The following SIMC1 variants were observed in gnomAD, a reference collection of about 807,000 sequenced individuals.
SIMC1 encodes SUMO interacting motifs containing 1, also known as SUMO-interacting motif-containing protein 1.
Under a neutral mutation model 82.3 loss-of-function variants are expected in SIMC1, and 55 were observed. The ratio of observed to expected loss-of-function variants is 0.67; its 90% confidence interval spans 0.54 to 0.84. The LOEUF (loss-of-function observed/expected upper bound fraction) is 0.84, where lower values mean the gene tolerates loss of function less well. Among genes scored for constraint, SIMC1 ranks in the 40% least tolerant of loss-of-function variants. The pLI, the probability that SIMC1 is intolerant of heterozygous loss-of-function variation, is 0.00. For synonymous variants in SIMC1, 353 were observed against 426.3 expected, an observed-to-expected ratio of 0.83 and a Z score of 2.12; for missense variants, 915 against 1,107.2, an observed-to-expected ratio of 0.83 and a Z score of 2.46.
At chr5:176,332,808 A>G (rs1029035926) in intron 7 of SIMC1, among the ~76,000 whole-genome samples, 1 of 152,178 alleles carries the variant, frequency 6.6e-6, no homozygotes, top group Non-Finnish European at 1.5e-5. Context: ...ATGGTAATAT[A>G]TTACAAAACT....
intron 4 of SIMC1, among the ~76,000 whole-genome samples, chr5:176,297,271 C>T (rs1390114647): frequency 4.6e-5 from 7 of 151,984 alleles, no homozygotes; most frequent in South Asian, 2.1e-4. Flanking sequence ...GAGGCCAAGG[C>T]GGGCAAATCA....
intron 2 of SIMC1, among the ~76,000 whole-genome samples, chr5:176,293,761 A>T (rs1410343224): frequency 6.6e-6 from 1 of 151,960 alleles, no homozygotes; most frequent in African/African-American, 2.4e-5. Context: ...AAAAAAAAAA[A>T]AATTAAGAGC....
In SIMC1 at chr5:176,308,443, T is replaced by C. The variant is rs920466805; in HGVS notation, c.1735-5248T>C. 5 of 1,608,122 alleles carry C rather than the reference T, an allele frequency of 3.1e-6. No homozygotes were observed. In the African/African-American group the frequency reaches 6.7e-5, roughly 22 times the overall value. The stretch of plus-strand genomic sequence containing the variant: ...GGCTGGTATCATTCCCATCCTCATA[T>C]AACTGTTTGGCCTTCACATGTTGAT... On this transcript the variant is annotated intron_variant, in intron 4 of 9. Transcript: ENST00000429602.
intron 4 of SIMC1, among the ~76,000 whole-genome samples, chr5:176,310,098 A>G (rs1391936911): frequency 6.6e-6 from 1 of 152,250 alleles, no homozygotes; most frequent in African/African-American, 2.4e-5. Context: ...AATTGAAACC[A>G]CAGTGAGGCT....
Position 176,306,957 on chromosome 5 carries a change from A to G in SIMC1, c.1735-6734A>G, listed in dbSNP as rs570665036. ...AATAATAAAGAACTCCAGCAACTCAACAACAAATGAATAACCCAATTTAAA... is the reference window on the plus strand; with the variant it reads ...AATAATAAAGAACTCCAGCAACTCAGCAACAAATGAATAACCCAATTTAAA... On this transcript the variant is annotated intron_variant, in intron 4 of 9. Coordinates refer to ENST00000429602, the MANE Select transcript of SIMC1 (RefSeq NM_001308195.2). 2.0e-5 allele frequency among the ~76,000 whole-genome samples: 3 copies of G among 152,300 alleles called. No homozygotes were observed. In the East Asian group the frequency reaches 5.8e-4, roughly 29 times the overall value.
chr5:176,326,963 C>A (rs1197662820), intron 7 of SIMC1, among the ~76,000 whole-genome samples: 1 of 152,178 alleles, frequency 6.6e-6, no homozygotes, highest in Non-Finnish European at 1.5e-5. Context: ...CAAATTTAAA[C>A]CCAGGGCTGC....
chr5:176,325,293 A>G (rs1765339787), intron 7 of SIMC1, among the ~76,000 whole-genome samples: 1 of 152,156 alleles, frequency 6.6e-6, no homozygotes, highest in South Asian at 2.1e-4. Flanking sequence ...AGGCTGAGAC[A>G]CGAAAATCGC....
intron 1 of SIMC1, among the ~76,000 whole-genome samples, chr5:176,258,690 A>G (rs1243445281): frequency 6.7e-6 from 1 of 148,996 alleles, no homozygotes; most frequent in Non-Finnish European, 1.5e-5. Flanking sequence ...AATATTCACT[A>G]CAGCTGTATG....
At chr5:176,259,765 T>G (rs893348288) in intron 1 of SIMC1, among the ~76,000 whole-genome samples, 30 of 151,204 alleles carry the variant, frequency 2.0e-4, no homozygotes, top group African/African-American at 7.3e-4. Flanking sequence ...AGAGCAAGAC[T>G]CTATCTCAAA....
At position 176,296,260 on chromosome 5, in the gene SIMC1, A is replaced by T. The variant is rs1763810934; in HGVS notation, c.1674A>T (p.Pro558=). The T allele has an allele frequency of 6.2e-7, 1 of 1,612,970 alleles. No individual in the cohort carries two copies. Among genetic ancestry groups the T allele is most frequent in the African/African-American group, 1.3e-5 (1 of 74,898 alleles). ...TTCACTTGACTTTCAGGCTACATCC[A>T]GCCAATGCCAAGACAGTGGAGTGGG... ...MLLMKIQQLH[P]ANAKTVEWDW... Residue 558 remains proline (P), a synonymous_variant, in exon 4 of 10, where the codon CCA becomes CCT. Coordinates refer to ENST00000429602, the MANE Select transcript of SIMC1 (RefSeq NM_001308195.2).
intron 9 of SIMC1, among the ~76,000 whole-genome samples, chr5:176,343,803 G>T (rs1482504072): frequency 2.6e-5 from 4 of 150,956 alleles, no homozygotes; most frequent in East Asian, 1.9e-4. Flanking sequence ...GTTTTGTTTT[G>T]TTTTTTTTGA....
At chr5:176,255,051 C>T (rs1396843823) in intron 1 of SIMC1, among the ~76,000 whole-genome samples, 1 of 151,652 alleles carries the variant, frequency 6.6e-6, no homozygotes, top group African/African-American at 2.4e-5. Context: ...CCGAGGTGAG[C>T]AGATCACCTG....
intron 9 of SIMC1, among the ~76,000 whole-genome samples, chr5:176,338,366 G>A (rs1401963134): frequency 6.6e-6 from 1 of 152,106 alleles, no homozygotes; most frequent in African/African-American, 2.4e-5. Context: ...GAGTTTTCCA[G>A]AAAGAAAGAA....
At chr5:176,285,290 T>C (rs1206210543) in intron 1 of SIMC1, among the ~76,000 whole-genome samples, 24 of 151,650 alleles carry the variant, frequency 1.6e-4, no homozygotes, top group African/African-American at 5.6e-4. Context: ...TTATCCACCA[T>C]GATCAAGTGG....
chr5:176,245,374 TC>T (rs1445386338), intron 1 of SIMC1, among the ~76,000 whole-genome samples: 2 of 152,252 alleles, frequency 1.3e-5, no homozygotes, highest in South Asian at 2.1e-4. Context: ...AACAGATTCT[TC>T]CCTGGAGCCT....
In SIMC1 at chr5:176,295,113, G is replaced by T. The variant is rs771608867; in HGVS notation, c.1515G>T (p.Gly505=). Residue 505 remains glycine (G), a synonymous_variant, in exon 3 of 10, where the codon GGG becomes GGT. Coordinates refer to ENST00000429602, the MANE Select transcript of SIMC1 (RefSeq NM_001308195.2). ...CCATTGAAGAGAATTTTCCTCTGGG[G>T]ACTGTGCAGTTTTTGATGGACTTTG... ...TNTIEENFPL[G]TVQFLMDFVS... 1.2e-5 allele frequency: 19 copies of T among 1,613,408 alleles called. No homozygotes were observed. The highest frequency in any genetic ancestry group is 8.5e-7 in the Non-Finnish European group (1 of 1,179,688).
At chr5:176,284,986 G>A (rs999414913) in intron 1 of SIMC1, among the ~76,000 whole-genome samples, 6 of 152,068 alleles carry the variant, frequency 3.9e-5, no homozygotes, top group African/African-American at 1.4e-4. Context: ...AAAAGTCCAG[G>A]ACCAGACGGA....
At chr5:176,302,291 A>G (rs1053749254) in intron 4 of SIMC1, among the ~76,000 whole-genome samples, 2 of 152,216 alleles carry the variant, frequency 1.3e-5, no homozygotes, top group Non-Finnish European at 2.9e-5. Context: ...GTGATACACC[A>G]TATTACAGAA....
intron 1 of SIMC1, among the ~76,000 whole-genome samples, chr5:176,285,337 A>G (rs1411815895): frequency 7.9e-5 from 12 of 152,260 alleles, no homozygotes; most frequent in East Asian, 1.9e-4. Context: ...TTCAATATAC[A>G]GAAATCAATA....
Sources: allele counts gnomAD v4.1 joint callset (sites outside exome capture counted in the v4.1 genomes callset), GRCh38; gene constraint gnomAD v4.1.1; transcripts MANE v1.5; gene names NCBI Gene and HGNC (gene_info 2026-07-23, HGNC 2026-07-21).